The following PAQR6 variants were observed in gnomAD, a reference collection of about 807,000 sequenced individuals.
The protein encoded by PAQR6 is progestin and adipoQ receptor family member 6.
PAQR6 carries 34 observed loss-of-function variants against 36.2 expected under a neutral mutation model. That is an observed-to-expected ratio of 0.94 (90% CI 0.71 to 1.25). PAQR6 has a LOEUF of 1.25. Ranked by LOEUF, PAQR6 falls within the 50% of genes most tolerant of loss-of-function variation. The pLI is 0.00. For synonymous variants in PAQR6, 190 were observed against 190.7 expected, an observed-to-expected ratio of 1.00 and a Z score of 0.03; for missense variants, 431 against 445.7, an observed-to-expected ratio of 0.97 and a Z score of 0.30.
chr1:156,246,846 G>T (rs1433358391), intron 1 of PAQR6, 90 bp from the exon 2 acceptor site: 3 of 1,151,372 alleles, frequency 2.6e-6, no homozygotes, highest in Admixed American at 2.5e-5. Flanking sequence ...TGGGCTGTGC[G>T]TGTGGGAGGC....
intron 1 of PAQR6, 58 bp downstream of exon 1, chr1:156,247,899 G>A: frequency 2.5e-6 from 1 of 405,622 alleles, no homozygotes; most frequent in Non-Finnish European, 5.2e-6. Flanking sequence ...GGGGTGGCTG[G>A]AGCAAGATGC....
At chr1:156,246,902 A>C in intron 1 of PAQR6, 146 bp from the exon 2 acceptor site, 1 of 659,156 alleles carries the variant, frequency 1.5e-6, no homozygotes, top group South Asian at 2.0e-5. Flanking sequence ...GGCCTGGGGA[A>C]GCTGGTCCAC....
chr1:156,246,069 C>T, intron 3 of PAQR6, 54 bp downstream of exon 3: 1 of 1,604,658 alleles, frequency 6.2e-7, no homozygotes, highest in Non-Finnish European at 8.5e-7. Context: ...CCCTGCCCGC[C>T]TGGGTACCCC....
chr1:156,243,325 G>A lies in PAQR6; in HGVS notation c.*804C>T, dbSNP rs1659608172. 2.4e-6 allele frequency: 3 copies of A among 1,238,418 alleles called. No homozygotes were observed. Among genetic ancestry groups the A allele is most frequent in the Middle Eastern group, 5.6e-4 (2 of 3,554 alleles). 76.7% of individuals were successfully genotyped at this position (1,238,418 alleles called of 1,614,324 possible). On this transcript the variant is annotated 3_prime_UTR_variant, in exon 8 of 8. Coordinates refer to ENST00000292291, the MANE Select transcript of PAQR6 (RefSeq NM_198406.3). ...TAAACTCCAGAAGAGGAATCTGTGG[G>A]CCTGTGAGTCTGTCCAGTTTATGGA...
At chr1:156,246,630 T>C (rs552729273) in intron 2 of PAQR6, 51 bp downstream of exon 2, 40 of 1,582,892 alleles carry the variant, frequency 2.5e-5, no homozygotes, top group Non-Finnish European at 3.2e-5. Context: ...CAGCCCCTAG[T>C]CAGTCCTCTA....
intron 1 of PAQR6, 23 bp downstream of exon 1, chr1:156,247,933 GC>G: frequency 2.3e-6 from 1 of 442,784 alleles, no homozygotes; most frequent in South Asian, 1.7e-5. Flanking sequence ...TCCCAGAAGA[GC>G]CCCAGAAGGT....
Position 156,244,222 on chromosome 1 carries a change from A to T in PAQR6, c.942T>A (p.Ala314=). Residue 314 remains alanine (A), a synonymous_variant, in exon 8 of 8, where the codon GCT becomes GCA. Coordinates refer to ENST00000292291, the MANE Select transcript of PAQR6 (RefSeq NM_198406.3). ...LAAAGNLLII[A]AFTATLLRAP... ...CCCGAAGCAGGGTGGCTGTGAAAGC[A>T]GCAATAATGAGTAGGTTCCCAGCTG... 6.2e-7 allele frequency: 1 copy of T among 1,613,752 alleles called. No homozygotes were observed. Among genetic ancestry groups the T allele is most frequent in the African/African-American group, 1.3e-5 (1 of 75,068 alleles).
rs990744147 is a variant in PAQR6 at position 156,244,793 on chromosome 1, T to TCAGG, written c.724_727dup (p.Glu243AlafsTer2). The TCAGG allele has an allele frequency of 4.3e-6, 7 of 1,613,586 alleles. No homozygotes were observed. The African/African-American group carries it at 9.3e-5, about 22-fold the overall frequency. ...ATCAAAGCGTCCTGGTGCCAGCCTT[T>TCAGG]CAGGCAGGTGGGAGGCGAAGAGGAA... is the stretch of plus-strand genomic sequence containing the variant. On this transcript the variant is annotated stop_gained and frameshift_variant, in exon 7 of 8. Coordinates refer to ENST00000292291, the MANE Select transcript of PAQR6 (RefSeq NM_198406.3). LOFTEE classifies it high-confidence loss of function.
chr1:156,247,523 C>T (rs1156831746), intron 1 of PAQR6: 8 of 152,946 alleles, frequency 5.2e-5, no homozygotes, highest in African/African-American at 1.9e-4. Context: ...ATAACTTAGC[C>T]CCTCTTCTTG....
chr1:156,245,935 C>T lies in PAQR6; in HGVS notation c.232G>A (p.Glu78Lys). The stretch of plus-strand genomic sequence containing the variant: ...ACCAGCAGCGGCCAGTGGTACGGCT[C>T]CGCACGGAAGCCGGGGCCGCCCGCC... Reference protein sequence around the residue: ...ALAGGPGFRAEPYHWPLLVFL... With the variant: ...ALAGGPGFRAKPYHWPLLVFL... The change falls in exon 4 of 8, where the codon GAG (glutamate) becomes AAG (lysine). Residue 78 changes from glutamate (E) to lysine (K), a missense_variant. Transcript: ENST00000292291. 2 of 1,545,278 alleles carry T rather than the reference C, an allele frequency of 1.3e-6. No homozygotes were observed. The highest frequency in any genetic ancestry group is 1.7e-6 in the Non-Finnish European group (2 of 1,147,154).
intron 2 of PAQR6, 142 bp from the exon 3 acceptor site, chr1:156,246,392 C>G (rs1660492770): frequency 1.2e-6 from 1 of 816,764 alleles, no homozygotes; most frequent in Non-Finnish European, 1.9e-6. Context: ...CTGATGTTAC[C>G]ACAGGTCCCA....
At chr1:156,246,864 A>C (rs1572550006) in intron 1 of PAQR6, 108 bp from the exon 2 acceptor site, 2 of 905,928 alleles carry the variant, frequency 2.2e-6, no homozygotes, top group Non-Finnish European at 3.3e-6. Context: ...GGCAGATGGC[A>C]CCCTCCCTCC....
chr1:156,246,845 C>G, intron 1 of PAQR6, 89 bp from the exon 2 acceptor site: 1 of 1,160,214 alleles, frequency 8.6e-7, no homozygotes, highest in East Asian at 2.5e-5. Flanking sequence ...ATGGGCTGTG[C>G]GTGTGGGAGG....
At chr1:156,244,530 G>A in intron 7 of PAQR6, 127 bp from the exon 8 acceptor site, 2 of 1,359,354 alleles carry the variant, frequency 1.5e-6, no homozygotes, top group Non-Finnish European at 2.0e-6. Flanking sequence ...TGAAAGGAAT[G>A]AATGAGCATG....
rs747828286 is a variant in PAQR6, at chr1:156,246,213, C to T, written c.89G>A (p.Arg30His). The T allele has an allele frequency of 3.1e-6, 5 of 1,613,632 alleles. No individual in the cohort carries two copies. The South Asian group carries it at 5.5e-5, about 18-fold the overall frequency. Residue 30 changes from arginine (R) to histidine (H), a missense_variant, in exon 3 of 8, where the codon CGC (arginine) becomes CAC (histidine). Arg to His is a conservative substitution (Grantham distance 29). Coordinates refer to ENST00000292291, the MANE Select transcript of PAQR6 (RefSeq NM_198406.3). Reference protein sequence around the residue: ...WEDGIMSGYRRPTSSALDCVL... With the variant: ...WEDGIMSGYRHPTSSALDCVL... ...ACAGTCCAAAGCCGAGCTGGTGGGG[C>T]GGCGGTAGCCAGACATGATGCCATC...
chr1:156,244,011 A>G lies in PAQR6; in HGVS notation c.*118T>C. 6.2e-7 allele frequency: 1 copy of G among 1,613,910 alleles called. No individual in the cohort carries two copies. Among genetic ancestry groups the G allele is most frequent in the Non-Finnish European group, 8.5e-7 (1 of 1,179,948 alleles). Reference sequence around the variant, plus strand: ...CCTCTCTCCTGTGCCCTCTCTCCTCAGCCCCTGTTGGTTCCAGGCTGAGAT... The same window carrying G: ...CCTCTCTCCTGTGCCCTCTCTCCTCGGCCCCTGTTGGTTCCAGGCTGAGAT... On this transcript the variant is annotated 3_prime_UTR_variant, in exon 8 of 8. Transcript: ENST00000292291.
intron 7 of PAQR6, 129 bp downstream of exon 7, chr1:156,244,616 TGCTCTCGTTATAGGAA>T: frequency 6.7e-7 from 1 of 1,493,550 alleles, no homozygotes; most frequent in Non-Finnish European, 9.0e-7. Context: ...CTTCCAGTGA[TGCTCTCGTTATAGGAA>T]GACAGGGAAG....
In PAQR6 at chr1:156,246,696, G is replaced by A; in HGVS notation, c.36C>T (p.Val12=). 1 of 1,613,908 alleles carries A rather than the reference G, an allele frequency of 6.2e-7. No homozygotes were observed. Among genetic ancestry groups the A allele is most frequent in the Admixed American group, 1.7e-5 (1 of 59,994 alleles). The part of the protein sequence containing the change: ...LSLKLPQLLQ[V]HQVPRVFWED... Reference sequence around the variant, plus strand: ...AGCCCCTCACCCGGGGGACCTGGTGGACTTGAAGAAGTTGGGGCAGCTTGA... The same window carrying A: ...AGCCCCTCACCCGGGGGACCTGGTGAACTTGAAGAAGTTGGGGCAGCTTGA... The change falls in exon 2 of 8, where the codon GTC becomes GTT. Residue 12 remains valine (V), a synonymous_variant. Coordinates refer to ENST00000292291, the MANE Select transcript of PAQR6 (RefSeq NM_198406.3).
chr1:156,247,144 C>T (rs1224482433), intron 1 of PAQR6, among the ~76,000 whole-genome samples: 1 of 152,228 alleles, frequency 6.6e-6, no homozygotes, highest in Non-Finnish European at 1.5e-5. Context: ...CCCTTTCCCA[C>T]CAGAATGTGC....
Sources: allele counts gnomAD v4.1 joint callset (sites outside exome capture counted in the v4.1 genomes callset), GRCh38; gene constraint gnomAD v4.1.1; transcripts MANE v1.5; gene names NCBI Gene and HGNC (gene_info 2026-07-23, HGNC 2026-07-21).